Variants in WDR43 observed in about 807,000 individuals in gnomAD.
WDR43 encodes WD repeat-containing protein 43.
WDR43 carries 13 observed loss-of-function variants against 91.4 expected under a neutral mutation model. The observed-to-expected ratio is 0.14, with a 90% CI of 0.09 to 0.23. WDR43 has a LOEUF of 0.23. WDR43 is among the 10% of genes least tolerant of loss of function. The pLI is 1.00. For synonymous variants in WDR43, 331 were observed against 287.9 expected, an observed-to-expected ratio of 1.15 and a Z score of -1.51; for missense variants, 780 against 809.4, an observed-to-expected ratio of 0.96 and a Z score of 0.44.
intron 5 of WDR43, among the ~76,000 whole-genome samples, chr2:28,916,638 C>G (rs561857215): frequency 2.0e-5 from 3 of 152,112 alleles, no homozygotes; most frequent in Non-Finnish European, 4.4e-5. Flanking sequence ...CCCACACATC[C>G]CTGCACCCAC....
chr2:28,897,712 T>A (rs753440734), intron 1 of WDR43, among the ~76,000 whole-genome samples: 5 of 152,238 alleles, frequency 3.3e-5, no homozygotes, highest in Non-Finnish European at 7.3e-5. Flanking sequence ...AACTCATCAA[T>A]GGAGAAAGAT....
At chr2:28,900,130 TC>T (rs1186251162) in intron 1 of WDR43, among the ~76,000 whole-genome samples, 2 of 152,192 alleles carry the variant, frequency 1.3e-5, no homozygotes, top group African/African-American at 4.8e-5. Context: ...TCGAGAAACT[TC>T]CATTTAGATA....
chr2:28,904,044 A>G (rs1670628228), intron 2 of WDR43, among the ~76,000 whole-genome samples: 1 of 152,196 alleles, frequency 6.6e-6, no homozygotes, highest in African/African-American at 2.4e-5. Flanking sequence ...GCCTCGTGTG[A>G]TCTGCCTGCT....
rs552321871 is a variant in WDR43 at position 28,941,657 on chromosome 2, G to A, written c.1734+83G>A. The stretch of plus-strand genomic sequence containing the variant: ...GGAATAAGGATCATTTTGAGACAGG[G>A]TCTTGCTCTGTCGCTCAGGCTGCAC... On this transcript the variant is annotated intron_variant, in intron 15 of 17. Transcript: ENST00000407426. 9.5e-6 allele frequency: 10 copies of A among 1,052,176 alleles called. No individual in the cohort carries two copies. The African/African-American group carries it at 1.3e-4, about 13-fold the overall frequency. The allele number at this position is 1,052,176 out of a possible 1,614,324, so 65.2% of individuals were successfully genotyped here.
At chr2:28,896,844 AT>A (rs1462162096) in intron 1 of WDR43, among the ~76,000 whole-genome samples, 1 of 152,220 alleles carries the variant, frequency 6.6e-6, no homozygotes, top group Admixed American at 6.5e-5. Context: ...TGAGGACCTC[AT>A]TGACAAACGA....
intron 10 of WDR43, 144 bp downstream of exon 10, chr2:28,927,844 A>T: frequency 9.0e-7 from 1 of 1,107,790 alleles, no homozygotes; most frequent in South Asian, 1.8e-5. Context: ...TATCTTCACC[A>T]TCATAGATTT....
chr2:28,927,989 T>TGA (rs781409036), intron 10 of WDR43: 8 of 288,582 alleles, frequency 2.8e-5, no homozygotes, highest in Middle Eastern at 1.1e-3. Context: ...GGACTTGCTG[T>TGA]GATGACTATC....
At chr2:28,904,499 C>T (rs992449435) in intron 2 of WDR43, among the ~76,000 whole-genome samples, 14 of 152,220 alleles carry the variant, frequency 9.2e-5, no homozygotes, top group African/African-American at 3.1e-4. Flanking sequence ...TACACTGCTG[C>T]TGGCAATAGT....
intron 4 of WDR43, among the ~76,000 whole-genome samples, chr2:28,913,444 C>G (rs1207695078): frequency 6.6e-6 from 1 of 152,192 alleles, no homozygotes; most frequent in African/African-American, 2.4e-5. Flanking sequence ...GATGTCTCAC[C>G]TCAGCCTCCT....
Position 28,894,745 on chromosome 2 carries a change from G to T in WDR43, c.47G>T (p.Gly16Val), listed in dbSNP as rs867999063. 5 of 1,593,640 alleles carry T rather than the reference G, an allele frequency of 3.1e-6. No individual in the cohort carries two copies. The highest frequency in any genetic ancestry group is 1.3e-5 in the African/African-American group (1 of 74,662). The change falls in exon 1 of 18, where the codon GGG (glycine) becomes GTG (valine). Residue 16 changes from glycine to valine, a missense_variant. Around this residue, in one of 4 missense-constraint regions of WDR43, gnomAD observed 175 missense variants for 113.8 expected, o/e 1.54. Coordinates refer to ENST00000407426, the MANE Select transcript of WDR43 (RefSeq NM_015131.3). ...GGSCDPLAPA[G>V]VPCAFSPHSQ... ...AGCTGCGACCCCCTGGCCCCTGCTG[G>T]GGTCCCTTGCGCCTTCTCCCCGCAC...
In WDR43 at chr2:28,908,391, C is replaced by G. The variant is rs374741547; in HGVS notation, c.485+1810C>G. Among the ~76,000 whole-genome samples, 3 of 152,226 alleles carry G rather than the reference C, an allele frequency of 2.0e-5. No individual in the cohort carries two copies. In the East Asian group the frequency reaches 5.8e-4, roughly 29 times the overall value. On this transcript the variant is annotated intron_variant, in intron 3 of 17. Coordinates refer to ENST00000407426, the MANE Select transcript of WDR43 (RefSeq NM_015131.3). ...TGATGGCTCAGTGAGTATTTGTGCT[C>G]CATTTACTTGTAGCAGACACAGTAG...
chr2:28,918,021 T>G (rs763690754), intron 6 of WDR43, 26 bp downstream of exon 6: 58 of 1,534,176 alleles, frequency 3.8e-5, no homozygotes, highest in Admixed American at 2.1e-5. Flanking sequence ...TTTGAGAATT[T>G]GTTTTTGGGT....
chr2:28,912,804 C>A, intron 4 of WDR43, 94 bp downstream of exon 4: 1 of 1,461,522 alleles, frequency 6.8e-7, no homozygotes, highest in Non-Finnish European at 9.2e-7. Flanking sequence ...TTTAAGAATA[C>A]AAATTCTTCA....
At chr2:28,897,956 A>G (rs1193355540) in intron 1 of WDR43, among the ~76,000 whole-genome samples, 2 of 152,242 alleles carry the variant, frequency 1.3e-5, no homozygotes, top group Non-Finnish European at 2.9e-5. Context: ...GTGCAAAAAT[A>G]CAAATGGAGG....
At chr2:28,917,746 G>A (rs1300664071) in intron 5 of WDR43, 147 bp from the exon 6 acceptor site, 1 of 682,556 alleles carries the variant, frequency 1.5e-6, no homozygotes, top group East Asian at 2.9e-5. Context: ...CCGTTGTTTT[G>A]ATCTTTAGTC....
chr2:28,946,547 C>G (rs1671545470), intron 17 of WDR43, 48 bp downstream of exon 17: 1 of 1,591,936 alleles, frequency 6.3e-7, no homozygotes, highest in Non-Finnish European at 8.6e-7. Context: ...TATCCTCATA[C>G]TCTGTAAGAA....
intron 14 of WDR43, 131 bp from the exon 15 acceptor site, chr2:28,941,330 C>T: frequency 1.7e-6 from 1 of 606,024 alleles, no homozygotes; most frequent in Non-Finnish European, 2.9e-6. Context: ...CAGGTAGCCA[C>T]TGCCACTGGG....
At position 28,944,399 on chromosome 2, in the gene WDR43, TAAAC is replaced by T. The variant is rs777861718; in HGVS notation, c.1804+2022_1804+2025del. On this transcript the variant is annotated intron_variant, in intron 16 of 17. Coordinates refer to ENST00000407426, the MANE Select transcript of WDR43 (RefSeq NM_015131.3). The stretch of plus-strand genomic sequence containing the variant: ...TAAATATAGATAGACTTTTCCCACA[TAAAC>T]AAAAACTTTTTGGAGACCTCAGTTT... Among the ~76,000 whole-genome samples, 6 of 152,326 alleles carry T rather than the reference TAAAC, an allele frequency of 3.9e-5. No individual in the cohort carries two copies. In the East Asian group the frequency reaches 9.6e-4, roughly 24 times the overall value.
At chr2:28,909,200 G>A (rs1247815206) in intron 3 of WDR43, among the ~76,000 whole-genome samples, 11 of 151,940 alleles carry the variant, frequency 7.2e-5, no homozygotes, top group Admixed American at 3.3e-4. Flanking sequence ...TTGCAATGGC[G>A]CGATCTCAGC....
Sources: gnomAD v4.1 joint callset for allele counts (sites outside exome capture counted in the v4.1 genomes callset) on GRCh38, gnomAD v4.1.1 for gene constraint, gnomAD v4.1.1 regional missense constraint, MANE v1.5 for transcripts, NCBI Gene and HGNC (gene_info 2026-07-23, HGNC 2026-07-21) for gene names.